The following ABCC8 variants were observed in gnomAD, a reference collection of about 807,000 sequenced individuals.
The protein encoded by ABCC8 is ATP binding cassette subfamily C member 8.
A neutral mutation model predicts 188.0 loss-of-function variants in ABCC8; 137 were observed. The ratio of observed to expected loss-of-function variants is 0.73; its 90% CI spans 0.63 to 0.84. The LOEUF (loss-of-function observed/expected upper bound fraction) is 0.84. Among genes scored for constraint, ABCC8 ranks in the 40% least tolerant of loss-of-function variants. The pLI is 0.00. For synonymous variants in ABCC8, 797 were observed against 846.5 expected (o/e 0.94, Z 1.01); for missense variants, 1,750 against 2,072.7 (o/e 0.84, Z 3.02).
In ABCC8 at chr11:17,427,929, T is replaced by C. The variant is rs1034111593; in HGVS notation, c.2054A>G (p.Tyr685Cys). The change falls in exon 15 of 39, where the codon TAC (tyrosine) becomes TGC (cysteine). Residue 685 changes from tyrosine to cysteine, a missense_variant. Physicochemically the swap from Tyr to Cys is radical, Grantham distance 194. Coordinates refer to ENST00000389817, the MANE Select transcript of ABCC8 (RefSeq NM_000352.6). This position sits in a 1 kb window ranked among gnomAD's most constrained non-coding sequence, Gnocchi z 5.0. ...GATTCCATCTGGGGTCCACGTGAAGTAGCCTCCCATGATCTTCATTAGGCG... is the reference window on the plus strand; with the variant it reads ...GATTCCATCTGGGGTCCACGTGAAGCAGCCTCCCATGATCTTCATTAGGCG... ...DNCCVQIMGG[Y>C]FTWTPDGIPT... 3.1e-6 allele frequency: 5 copies of C among 1,613,818 alleles called. No homozygotes were observed. Among genetic ancestry groups the C allele is most frequent in the Non-Finnish European group, 4.2e-6 (5 of 1,179,908 alleles).
At chr11:17,462,080 G>C (rs1957215236) in intron 4 of ABCC8, among the ~76,000 whole-genome samples, 1 of 152,198 alleles carries the variant, frequency 6.6e-6, no homozygotes, top group Admixed American at 6.5e-5. Context: ...TTGGGTTTAG[G>C]TTGGGTTGGG....
At chr11:17,397,952 C>A (rs999764920) in intron 30 of ABCC8, 155 bp from the exon 31 acceptor site, 2 of 944,842 alleles carry the variant, frequency 2.1e-6, no homozygotes, top group African/African-American at 3.6e-5. Flanking sequence ...ACAAGGGCTG[C>A]GAAGGCTGGA....
chr11:17,435,040 C>T (rs1413590190), intron 10 of ABCC8, among the ~76,000 whole-genome samples: 2 of 148,448 alleles, frequency 1.3e-5, no homozygotes, highest in African/African-American at 2.5e-5. Flanking sequence ...AAGAAATAAC[C>T]TTTAATATGT....
chr11:17,450,082 T>C (rs896397904), intron 7 of ABCC8, among the ~76,000 whole-genome samples: 2 of 152,204 alleles, frequency 1.3e-5, no homozygotes, highest in African/African-American at 4.8e-5. Flanking sequence ...AGCTAGTAAT[T>C]ATGTATAATT....
intron 7 of ABCC8, among the ~76,000 whole-genome samples, chr11:17,450,252 CTTTCTTTCTCTTTCTTTCTTTCTT>C (rs1318541145): frequency 1.9e-5 from 1 of 52,436 alleles, no homozygotes; most frequent in African/African-American, 7.8e-5. Context: ...CTTTTTCTTT[CTTTCTTTCTCTTTCTTTCTTTCTT>C]TCTTTCTTTC....
intron 20 of ABCC8, 193 bp from the exon 21 acceptor site, chr11:17,412,939 A>T: frequency 8.0e-7 from 1 of 1,250,774 alleles, no homozygotes. Flanking sequence ...CATGAGCCCC[A>T]AGTCTTTAAA....
intron 29 of ABCC8, 29 bp downstream of exon 29, chr11:17,402,632 T>A: frequency 6.2e-7 from 1 of 1,614,196 alleles, no homozygotes. Flanking sequence ...CCTGTTCCAC[T>A]CCTACCTTGG....
intron 12 of ABCC8, chr11:17,429,092 C>T (rs910526657): frequency 2.0e-5 from 4 of 203,206 alleles, no homozygotes; most frequent in South Asian, 9.2e-5. Context: ...ATTATGTAAT[C>T]GGATCCCCAT....
At chr11:17,401,515 G>C (rs79299507) in intron 29 of ABCC8, among the ~76,000 whole-genome samples, 8,894 of 152,276 alleles carry the variant, frequency 0.058, 863 homozygotes, top group African/African-American at 0.2. Context: ...TCAGGGGTTG[G>C]GGGGAGGAGA....
At chr11:17,453,660 T>C (rs937303312) in intron 6 of ABCC8, among the ~76,000 whole-genome samples, 2 of 152,194 alleles carry the variant, frequency 1.3e-5, no homozygotes, top group South Asian at 2.1e-4. Flanking sequence ...TCACGGTGCA[T>C]GTTCTCTGCT....
chr11:17,453,896 G>A (rs2073585), intron 6 of ABCC8, among the ~76,000 whole-genome samples: 61,758 of 151,926 alleles, frequency 0.41, 12,792 homozygotes, highest in Middle Eastern at 0.53. Flanking sequence ...GTGTACTTCC[G>A]GCAAGATCTC....
At chr11:17,434,984 C>CGTGTGTGT (rs57580521) in intron 10 of ABCC8, among the ~76,000 whole-genome samples, 6,057 of 144,650 alleles carry the variant, frequency 0.042, 344 homozygotes, top group African/African-American at 0.13. Flanking sequence ...CGTGTGTTCG[C>CGTGTGTGT]GTGTGTGTGT....
rs574040573 is a variant in ABCC8 at position 17,424,471 on chromosome 11, G to A, written c.2222+2578C>T. Among the ~76,000 whole-genome samples, 11 of 152,342 alleles carry A rather than the reference G, an allele frequency of 7.2e-5. No individual in the cohort carries two copies. In the South Asian group the frequency reaches 2.3e-3, roughly 32 times the overall value. On this transcript the variant is annotated intron_variant, in intron 16 of 38. Transcript: ENST00000389817. ...TGGCACAGCTTGGAGAAGAGGTGGG[G>A]ACTGAGGCAGGGCAGAGCAGACCCC...
intron 6 of ABCC8, 70 bp from the exon 7 acceptor site, chr11:17,453,353 T>G (rs1956882552): frequency 1.3e-6 from 2 of 1,595,588 alleles, no homozygotes; most frequent in Non-Finnish European, 1.7e-6. Flanking sequence ...CACATCACTG[T>G]GCCATAATGG....
In ABCC8 at chr11:17,420,146, A is replaced by G. The variant is rs76035545; in HGVS notation, c.2223-3184T>C. On this transcript the variant is annotated intron_variant, in intron 16 of 38. Transcript: ENST00000389817. The stretch of plus-strand genomic sequence containing the variant: ...AGTGGAAACTGAGGTTCAAAGAGTG[A>G]GCTAGGATATACAGGGCTCCACAGC... Among the ~76,000 whole-genome samples the G allele has an allele frequency of 5.3e-4, 80 of 152,322 alleles. No homozygotes were observed. In the East Asian group the frequency reaches 0.014, roughly 27 times the overall value.
rs1340859533 is a variant in ABCC8 at position 17,397,276 on chromosome 11, G to A, written c.3905C>T (p.Ala1302Val). 2 of 1,613,204 alleles carry A rather than the reference G, an allele frequency of 1.2e-6. No homozygotes were observed. The highest frequency in any genetic ancestry group is 1.7e-6 in the Non-Finnish European group (2 of 1,180,008). The change falls in exon 32 of 39, where the codon GCA (alanine) becomes GTA (valine). Residue 1302 changes from alanine to valine, a missense_variant. Physicochemically the swap from Ala to Val is moderately conservative, Grantham distance 64 (BLOSUM62 0). Transcript: ENST00000389817. ...AGCCCCCAGCTGGAGCTCCATGTCTGCCAGGTTCCTCACCATCCAGTTGAG... is the reference window on the plus strand; with the variant it reads ...AGCCCCCAGCTGGAGCTCCATGTCTACCAGGTTCCTCACCATCCAGTTGAG... ...NYLNWMVRNLADMELQLGAVK... is the reference protein window; with the variant it reads ...NYLNWMVRNLVDMELQLGAVK...
chr11:17,424,162 G>A (rs533528338), intron 16 of ABCC8, among the ~76,000 whole-genome samples: 110 of 152,044 alleles, frequency 7.2e-4, no homozygotes, highest in African/African-American at 2.6e-3. Context: ...CGAGCCTGTC[G>A]GGGGGTGGGA....
intron 31 of ABCC8, 50 bp from the exon 32 acceptor site, chr11:17,397,363 C>A: frequency 6.2e-7 from 1 of 1,602,446 alleles, no homozygotes. Context: ...TTAGTTCTGT[C>A]CTCAGCCACC....
chr11:17,443,093 CAG>C, intron 9 of ABCC8, 83 bp downstream of exon 9: 1 of 1,546,314 alleles, frequency 6.5e-7, no homozygotes. Flanking sequence ...AAGTCAATGA[CAG>C]TGTGGGTGTG....
Sources: gnomAD v4.1 joint callset for allele counts (sites outside exome capture counted in the v4.1 genomes callset) on GRCh38, gnomAD v4.1.1 for gene constraint, Gnocchi (gnomAD v3.1) non-coding constraint, MANE v1.5 for transcripts, NCBI Gene and HGNC (gene_info 2026-07-23, HGNC 2026-07-21) for gene names.